The following SLC35F4 variants were observed in gnomAD, a reference collection of about 807,000 sequenced individuals.
The protein encoded by SLC35F4 is chromosome 14 open reading frame 36.
A neutral mutation model predicts 44.2 loss-of-function variants in SLC35F4; 24 were observed. The ratio of observed to expected loss-of-function variants is 0.54; its 90% CI spans 0.39 to 0.76. The LOEUF is 0.76. SLC35F4 is among the 30% of genes least tolerant of loss of function. The pLI, the probability that SLC35F4 is intolerant of heterozygous loss-of-function variation, is 0.00. For missense variants in SLC35F4, 562 were observed against 586.1 expected (o/e 0.96, Z 0.42); for synonymous variants, 238 against 223.6 (o/e 1.06, Z -0.57).
At chr14:57,807,695 C>T (rs1566871300) in intron 1 of SLC35F4, among the ~76,000 whole-genome samples, 1 of 151,938 alleles carries the variant, frequency 6.6e-6, no homozygotes, top group Admixed American at 6.5e-5. Context: ...ACCAACATCA[C>T]AATTTCTGGC....
At chr14:57,609,934 C>T (rs2071393257) in intron 1 of SLC35F4, among the ~76,000 whole-genome samples, 1 of 152,186 alleles carries the variant, frequency 6.6e-6, no homozygotes. Context: ...GCCACATGCT[C>T]CCAGCCTCCA....
At chr14:57,818,911 AACTT>A (rs1882883548) in intron 1 of SLC35F4, among the ~76,000 whole-genome samples, 1 of 152,222 alleles carries the variant, frequency 6.6e-6, no homozygotes, top group East Asian at 1.9e-4. Context: ...CTTTACCAAA[AACTT>A]AATGGCAAGC....
chr14:57,638,103 A>G (rs1339011523), intron 1 of SLC35F4, among the ~76,000 whole-genome samples: 1 of 152,138 alleles, frequency 6.6e-6, no homozygotes, highest in Non-Finnish European at 1.5e-5. Context: ...TTTCTCTAGC[A>G]GCTAAATAAG....
intron 1 of SLC35F4, among the ~76,000 whole-genome samples, chr14:57,711,452 C>T (rs923167427): frequency 9.2e-5 from 14 of 152,066 alleles, no homozygotes; most frequent in Admixed American, 7.9e-4. Context: ...TGGTTATGAC[C>T]GAGTTAAACT....
intron 3 of SLC35F4, among the ~76,000 whole-genome samples, chr14:57,586,443 C>T (rs1047280564): frequency 4.6e-5 from 7 of 151,918 alleles, no homozygotes; most frequent in Non-Finnish European, 8.8e-5. Flanking sequence ...CTAGGCCAGG[C>T]GTGGTGGCTT....
intron 1 of SLC35F4, among the ~76,000 whole-genome samples, chr14:57,598,287 G>C (rs554596808): frequency 6.6e-6 from 1 of 152,284 alleles, no homozygotes; most frequent in South Asian, 2.1e-4. Flanking sequence ...GTTGCACAGA[G>C]TCAAAAATCT....
chr14:57,705,226 A>T (rs1172407860), intron 1 of SLC35F4, among the ~76,000 whole-genome samples: 6 of 152,206 alleles, frequency 3.9e-5, no homozygotes, highest in African/African-American at 1.2e-4. Context: ...AATCAAACCT[A>T]CTGCAAATGG....
chr14:57,951,198 C>T (rs1386571174), intron 1 of SLC35F4, among the ~76,000 whole-genome samples: 2 of 152,156 alleles, frequency 1.3e-5, no homozygotes, highest in African/African-American at 4.8e-5. Context: ...GGACCTCCCT[C>T]CCCTAGCCAA....
intron 1 of SLC35F4, among the ~76,000 whole-genome samples, chr14:57,958,510 G>A (rs967034632): frequency 6.7e-6 from 1 of 149,624 alleles, no homozygotes; most frequent in Admixed American, 6.6e-5. Context: ...GAGGGGAATG[G>A]GGGTGTGGCT....
At chr14:57,826,962 G>T (rs1478769961) in intron 1 of SLC35F4, among the ~76,000 whole-genome samples, 1 of 152,156 alleles carries the variant, frequency 6.6e-6, no homozygotes, top group African/African-American at 2.4e-5. Context: ...ATTCCTCAAA[G>T]ACCTAGAATC....
chr14:57,890,116 T>A (rs1456190672), intron 1 of SLC35F4, among the ~76,000 whole-genome samples: 1 of 152,166 alleles, frequency 6.6e-6, no homozygotes, highest in Non-Finnish European at 1.5e-5. Context: ...ACAGATGAGA[T>A]GTACGGAGGC....
intron 1 of SLC35F4, among the ~76,000 whole-genome samples, chr14:57,770,793 T>C (rs926175874): frequency 6.6e-6 from 1 of 152,220 alleles, no homozygotes; most frequent in Non-Finnish European, 1.5e-5. Context: ...GCTTGGAACT[T>C]TCAGGACAAT....
chr14:57,927,310 A>G (rs1450790561), intron 1 of SLC35F4, among the ~76,000 whole-genome samples: 2 of 152,142 alleles, frequency 1.3e-5, no homozygotes, highest in Non-Finnish European at 2.9e-5. Context: ...TGCGTCTCAA[A>G]AGATCTAGGT....
downstream of SLC35F4, among the ~76,000 whole-genome samples, chr14:57,973,797 T>C (rs942169999): frequency 6.6e-6 from 1 of 152,106 alleles, no homozygotes; most frequent in Non-Finnish European, 1.5e-5. Context: ...GTCATCAGCA[T>C]TCTCTCTTCT....
intron 5 of SLC35F4, among the ~76,000 whole-genome samples, chr14:57,570,488 T>C (rs966917127): frequency 3.9e-5 from 6 of 152,192 alleles, no homozygotes; most frequent in Non-Finnish European, 7.3e-5. Context: ...TTCACAAATA[T>C]GGTGCTTGTT....
At chr14:57,632,395 T>C (rs1185053701) in intron 1 of SLC35F4, among the ~76,000 whole-genome samples, 1 of 152,030 alleles carries the variant, frequency 6.6e-6, no homozygotes, top group Non-Finnish European at 1.5e-5. Flanking sequence ...AAAGAGTAGA[T>C]GAGGAGTCAC....
intron 2 of SLC35F4, among the ~76,000 whole-genome samples, chr14:57,589,883 C>A (rs919012403): frequency 1.3e-5 from 2 of 152,152 alleles, no homozygotes; most frequent in African/African-American, 4.8e-5. Flanking sequence ...AGGCATAACA[C>A]CTCCCATAAG....
At chr14:57,620,506 C>T (rs1053716279) in intron 1 of SLC35F4, among the ~76,000 whole-genome samples, 1 of 152,164 alleles carries the variant, frequency 6.6e-6, no homozygotes, top group Non-Finnish European at 1.5e-5. Context: ...ATTCTGTCAC[C>T]ACCAGGCCTG....
intron 1 of SLC35F4, among the ~76,000 whole-genome samples, chr14:57,955,034 A>T (rs920994270): frequency 1.4e-4 from 22 of 152,220 alleles, no homozygotes; most frequent in African/African-American, 5.3e-4. Flanking sequence ...AGCAACACGA[A>T]AATCCTCAGT....
Sources: allele counts gnomAD v4.1 joint callset (sites outside exome capture counted in the v4.1 genomes callset), GRCh38; gene constraint gnomAD v4.1.1; transcripts MANE v1.5; gene names NCBI Gene and HGNC (gene_info 2026-07-23, HGNC 2026-07-21).